The following UBN1 variants were observed in gnomAD, a reference collection of about 807,000 sequenced individuals.
UBN1 encodes ubinuclein-1.
In UBN1, 17 loss-of-function variants were observed where a neutral mutation model predicts 108.5. The ratio of observed to expected loss-of-function variants is 0.16; its 90% confidence interval spans 0.11 to 0.24. The LOEUF is 0.24. Among genes scored for constraint, UBN1 ranks in the 10% least tolerant of loss-of-function variants. The pLI is 1.00. For synonymous variants in UBN1, 726 were observed against 564.2 expected (o/e 1.29, Z -4.07); for missense variants, 1,595 against 1,394.4 (o/e 1.14, Z -2.29).
chr16:4,870,806 G>C lies in UBN1; in HGVS notation c.1431-38G>C, dbSNP rs773549091. On this transcript the variant is annotated intron_variant, in intron 10 of 17. Coordinates refer to ENST00000262376, the MANE Select transcript of UBN1 (RefSeq NM_001079514.3). ...GTGAGGGGAGAGGCGGTGGGCAGGAGCACCTTGGGGCCCCATGTAATTCTA... is the reference window on the plus strand; with the variant it reads ...GTGAGGGGAGAGGCGGTGGGCAGGACCACCTTGGGGCCCCATGTAATTCTA... The C allele has an allele frequency of 5.0e-6, 8 of 1,611,514 alleles. No homozygotes were observed. In the African/African-American group the frequency reaches 1.1e-4, roughly 22 times the overall value.
chr16:4,870,918 G>A lies in UBN1; in HGVS notation c.1505G>A (p.Gly502Glu). ...CSDEEEDEEK[G>E]GRRIMGPRKK... ...GATGAGGAAGAAGATGAAGAAAAAG[G>A]GGGCAGGAGGATAATGGGACCTCGG... The change falls in exon 11 of 18, where the codon GGG becomes GAG. Residue 502 changes from glycine to glutamate, a missense_variant. By Grantham distance (98) the Gly-to-Glu change is moderately conservative (BLOSUM62 -2). This residue lies in a region of UBN1 where 1,398 missense variants were observed against 1,194.7 expected (regional missense o/e 1.17). Transcript: ENST00000262376. The A allele has an allele frequency of 1.9e-6, 3 of 1,614,144 alleles. No homozygotes were observed. Among genetic ancestry groups the A allele is most frequent in the Non-Finnish European group, 2.5e-6 (3 of 1,180,028 alleles).
In UBN1 at chr16:4,874,760, C is replaced by T. The variant is rs144286105; in HGVS notation, c.2350C>T (p.His784Tyr). The change falls in exon 15 of 18, where the codon CAC becomes TAC. Residue 784 changes from histidine (H) to tyrosine (Y), a missense_variant. Transcript: ENST00000262376. ...AGTACATCAGTCCAAAGCTAAGCAC[C>T]ACAGCTTGCCACGGACGTCTCACGG... Reference protein sequence around the residue: ...PEVHQSKAKHHSLPRTSHGPQ... With the variant: ...PEVHQSKAKHYSLPRTSHGPQ... 1 of 1,613,962 alleles carries T rather than the reference C, an allele frequency of 6.2e-7. No homozygotes were observed. Among genetic ancestry groups the T allele is most frequent in the African/African-American group, 1.3e-5 (1 of 74,920 alleles).
chr16:4,880,001 C>G (rs1009174275), intron 17 of UBN1, 82 bp from the exon 18 acceptor site: 9 of 1,482,318 alleles, frequency 6.1e-6, no homozygotes, highest in Non-Finnish European at 8.5e-6. Context: ...TAGGTGTCTC[C>G]CTTGAAGTTT....
chr16:4,875,320 A>G lies in UBN1; in HGVS notation c.2910A>G (p.Pro970=). Reference sequence around the variant, plus strand: ...AGAAGTTGACTCTGGTAGCCCCTCCAGGCGGTCCAAACGGAGATTCCAGTG... The same window carrying G: ...AGAAGTTGACTCTGGTAGCCCCTCCGGGCGGTCCAAACGGAGATTCCAGTG... ...VSQKLTLVAP[P]GGPNGDSSGG... The change falls in exon 15 of 18, where the codon CCA becomes CCG. Residue 970 remains proline (P), a synonymous_variant. Transcript: ENST00000262376. 6.2e-7 allele frequency: 1 copy of G among 1,614,220 alleles called. No individual in the cohort carries two copies. The highest frequency in any genetic ancestry group is 8.5e-7 in the Non-Finnish European group (1 of 1,180,040).
In UBN1 at chr16:4,870,301, C is replaced by G. The variant is rs2142240642; in HGVS notation, c.1271C>G (p.Ala424Gly). ...TCATTCCTGCCCTGCAGCAAGGATG[C>G]CCTGCTCAAGCGTGCTCGGAAACTT... ...LASFLPCSKD[A>G]LLKRARKLHL... is the part of the protein sequence containing the mutation. The change falls in exon 9 of 18, where the codon GCC (alanine) becomes GGC (glycine). Residue 424 changes from alanine to glycine, a missense_variant. Transcript: ENST00000262376. 1.2e-6 allele frequency: 2 copies of G among 1,614,166 alleles called. No individual in the cohort carries two copies. Among genetic ancestry groups the G allele is most frequent in the Non-Finnish European group, 1.7e-6 (2 of 1,180,036 alleles).
chr16:4,855,102 C>T (rs559974759), intron 2 of UBN1, among the ~76,000 whole-genome samples: 19 of 152,230 alleles, frequency 1.2e-4, no homozygotes, highest in African/African-American at 4.1e-4. Context: ...GCCCCACACT[C>T]GCAGCATTGT....
Position 4,877,471 on chromosome 16 carries a change from C to T in UBN1, c.3352C>T (p.Pro1118Ser). 1 of 1,609,508 alleles carries T rather than the reference C, an allele frequency of 6.2e-7. No individual in the cohort carries two copies. Among genetic ancestry groups the T allele is most frequent in the Non-Finnish European group, 8.5e-7 (1 of 1,178,842 alleles). ...GCCCACCCATATCCCGCAGAGTCTG[C>T]CAGGTAATCACCCGACGGTCAGTGT... ...AVPTHIPQSL[P>S]GASQLHGKGP... The change falls in exon 17 of 18, where the codon CCA (proline) becomes TCA (serine). Residue 1118 changes from proline to serine, a missense_variant. Physicochemically the swap from Pro to Ser is moderately conservative, Grantham distance 74 (BLOSUM62 -1). Around this residue, in one of 3 missense-constraint regions of UBN1, gnomAD observed 1,398 missense variants for 1,194.7 expected, o/e 1.17. Transcript: ENST00000262376. The surrounding 1 kb of genome is among the most constrained non-coding windows in gnomAD (Gnocchi z 4.3).
chr16:4,852,935 G>T lies in UBN1; in HGVS notation c.18G>T (p.Arg6Ser), dbSNP rs748143264. Residue 6 changes from arginine (R) to serine (S), a missense_variant, in exon 2 of 18, where the codon AGG becomes AGT. By Grantham distance (110) the Arg-to-Ser change is moderately radical (BLOSUM62 -1). Around this residue, in one of 3 missense-constraint regions of UBN1, gnomAD observed 181 missense variants for 157.3 expected, o/e 1.15. Transcript: ENST00000262376. ...TGGTAGCCATGTCGGAGCCCCACAG[G>T]GTCCAGTTCACCTCTCTCCCAGGTT... MSEPH[R>S]VQFTSLPGSL... 6.2e-7 allele frequency: 1 copy of T among 1,614,050 alleles called. No homozygotes were observed. Among genetic ancestry groups the T allele is most frequent in the Non-Finnish European group, 8.5e-7 (1 of 1,179,966 alleles).
chr16:4,860,201 T>A (rs1432129386), intron 6 of UBN1, among the ~76,000 whole-genome samples: 1 of 152,208 alleles, frequency 6.6e-6, no homozygotes, highest in Non-Finnish European at 1.5e-5. Flanking sequence ...TGACTGCTGA[T>A]GTTTCTCGTC....
Position 4,874,849 on chromosome 16 carries a change from G to T in UBN1, c.2439G>T (p.Gln813His). Residue 813 changes from glutamine (Q) to histidine (H), a missense_variant, in exon 15 of 18, where the codon CAG (glutamine) becomes CAT (histidine). This residue lies in a region of UBN1 where 1,398 missense variants were observed against 1,194.7 expected (regional missense o/e 1.17). Coordinates refer to ENST00000262376, the MANE Select transcript of UBN1 (RefSeq NM_001079514.3). The part of the protein sequence containing the change: ...QVKVFHAGTQ[Q>H]QKNFTPPSPF... Reference sequence around the variant, plus strand: ...AAGTCTTTCATGCCGGCACTCAGCAGCAGAAAAACTTCACGCCCCCATCTC... The same window carrying T: ...AAGTCTTTCATGCCGGCACTCAGCATCAGAAAAACTTCACGCCCCCATCTC... 6.2e-7 allele frequency: 1 copy of T among 1,614,058 alleles called. No homozygotes were observed. Among genetic ancestry groups the T allele is most frequent in the Non-Finnish European group, 8.5e-7 (1 of 1,180,056 alleles).
intron 7 of UBN1, among the ~76,000 whole-genome samples, chr16:4,863,638 A>G (rs1233512062): frequency 6.6e-6 from 1 of 151,808 alleles, no homozygotes; most frequent in African/African-American, 2.4e-5. Flanking sequence ...CCTCTATTAT[A>G]AGATTGGGTA....
chr16:4,854,729 GT>G (rs57048337), intron 2 of UBN1, among the ~76,000 whole-genome samples: 10 of 140,244 alleles, frequency 7.1e-5, no homozygotes, highest in East Asian at 4.3e-4. Flanking sequence ...GTGAAAAGCT[GT>G]TTTTTTTTTT....
rs1451125049 is a variant in UBN1, at chr16:4,870,853, A to T, written c.1440A>T (p.Glu480Asp). The T allele has an allele frequency of 1.2e-6, 2 of 1,613,828 alleles. No homozygotes were observed. The highest frequency in any genetic ancestry group is 2.7e-5 in the African/African-American group (2 of 74,916). The change falls in exon 11 of 18, where the codon GAA becomes GAT. Residue 480 changes from glutamate (E) to aspartate (D), a missense_variant. This residue lies in a region of UBN1 where 1,398 missense variants were observed against 1,194.7 expected (regional missense o/e 1.17). Coordinates refer to ENST00000262376, the MANE Select transcript of UBN1 (RefSeq NM_001079514.3). The stretch of plus-strand genomic sequence containing the variant: ...TCTATTCACCCCGTAGGATGCTGGA[A>T]GAGGAGAAAGACAAGGAGCAGAGGG... ...HTQAKVAKMLEEEKDKEQRDR... is the reference protein window; with the variant it reads ...HTQAKVAKMLDEEKDKEQRDR...
chr16:4,877,162 C>T lies in UBN1; in HGVS notation c.3265+51C>T. ...TCACTCAGGAACCTCTAGATTGTGG[C>T]CAGGGGTCCTGCTGTTGTGTACTCT... On this transcript the variant is annotated intron_variant, in intron 16 of 17. Transcript: ENST00000262376. This position sits in a 1 kb window ranked among gnomAD's most constrained non-coding sequence, Gnocchi z 4.3. 1.9e-6 allele frequency: 3 copies of T among 1,552,344 alleles called. No homozygotes were observed. Among genetic ancestry groups the T allele is most frequent in the Non-Finnish European group, 2.6e-6 (3 of 1,152,928 alleles).
chr16:4,870,484 A>G, intron 9 of UBN1, 32 bp from the exon 10 acceptor site: 8 of 1,613,852 alleles, frequency 5.0e-6, no homozygotes, highest in Non-Finnish European at 6.8e-6. Flanking sequence ...CGATGTGTAA[A>G]CCTGCCTTGA....
At chr16:4,855,268 C>T (rs775012214) in intron 2 of UBN1, among the ~76,000 whole-genome samples, 34 of 151,966 alleles carry the variant, frequency 2.2e-4, no homozygotes, top group Non-Finnish European at 4.4e-4. Context: ...GTGTGCTGTT[C>T]GGAGGGTATT....
At position 4,858,674 on chromosome 16, in the gene UBN1, A is replaced by T. The variant is rs769301887; in HGVS notation, c.432+11A>T. 3 of 1,613,306 alleles carry T rather than the reference A, an allele frequency of 1.9e-6. No individual in the cohort carries two copies. In the Admixed American group the frequency reaches 5.0e-5, roughly 27 times the overall value. On this transcript the variant is annotated intron_variant, in intron 4 of 17. Transcript: ENST00000262376. ...GATAACTCTGAGGCGGTAAGTAGTT[A>T]CTGAAAATGCCGTGTCAGACCCACT... is the stretch of plus-strand genomic sequence containing the variant.
At chr16:4,849,397 C>G (rs576533000) in intron 1 of UBN1, among the ~76,000 whole-genome samples, 1 of 152,028 alleles carries the variant, frequency 6.6e-6, no homozygotes, top group Admixed American at 6.5e-5. Context: ...AGGAAGGGTA[C>G]TCATTATAAG....
intron 10 of UBN1, 81 bp downstream of exon 10, chr16:4,870,715 T>G: frequency 6.3e-7 from 1 of 1,588,728 alleles, no homozygotes; most frequent in East Asian, 2.2e-5. Context: ...TACTGCCGTT[T>G]CCCAAGGAGC....
Sources: allele counts gnomAD v4.1 joint callset (sites outside exome capture counted in the v4.1 genomes callset), GRCh38; gene constraint gnomAD v4.1.1; regional missense constraint gnomAD v4.1.1; non-coding constraint Gnocchi (gnomAD v3.1); transcripts MANE v1.5; gene names NCBI Gene and HGNC (gene_info 2026-07-23, HGNC 2026-07-21).